Variants in IL1RAPL2 observed in about 807,000 individuals in gnomAD.
IL1RAPL2 encodes interleukin 1 receptor accessory protein like 2, also known as X-linked interleukin-1 receptor accessory protein-like 2.
Under a neutral mutation model 44.1 loss-of-function variants are expected in IL1RAPL2, and 3 were observed. The ratio of observed to expected loss-of-function variants is 0.07; its 90% confidence interval spans 0.03 to 0.18. The LOEUF is 0.18. Ranked by LOEUF, IL1RAPL2 falls within the 10% of genes least tolerant of loss-of-function variation. The pLI, the probability that IL1RAPL2 is intolerant of heterozygous loss-of-function variation, is 1.00. For missense variants in IL1RAPL2, 391 were observed against 496.4 expected (o/e 0.79, Z 2.02); for synonymous variants, 181 against 178.8 (o/e 1.01, Z -0.10).
At chrX:104,756,319 T>C (rs1295879326) in intron 2 of IL1RAPL2, among the ~76,000 whole-genome samples, 2 of 111,434 alleles carry the variant, frequency 1.8e-5, no homozygotes, top group African/African-American at 6.5e-5. Context: ...TTGTTCCTTG[T>C]TCAAGATAAC....
At chrX:105,121,393 A>G (rs1469016150) in intron 2 of IL1RAPL2, among the ~76,000 whole-genome samples, 1 of 111,349 alleles carries the variant, frequency 9.0e-6, no homozygotes, top group Non-Finnish European at 1.9e-5. Flanking sequence ...GGCCTTTTCC[A>G]TCTGCTCTGT....
chrX:105,449,443 GCA>G (rs2036001523), intron 5 of IL1RAPL2, among the ~76,000 whole-genome samples: 1 of 111,091 alleles, frequency 9.0e-6, no homozygotes, highest in African/African-American at 3.3e-5. Flanking sequence ...AATTAGCCGG[GCA>G]TGGTGGCGGG....
intron 6 of IL1RAPL2, among the ~76,000 whole-genome samples, chrX:105,515,518 A>G (rs761906763): frequency 8.1e-5 from 9 of 111,135 alleles, no homozygotes; most frequent in Admixed American, 6.7e-4. Context: ...ACCTTAAAAA[A>G]AAAATTTACC....
chrX:104,581,396 A>C (rs1237659725), intron 1 of IL1RAPL2, among the ~76,000 whole-genome samples: 2 of 112,016 alleles, frequency 1.8e-5, no homozygotes, highest in Non-Finnish European at 3.8e-5. Context: ...ATTAAATCTC[A>C]ATCTGTATTC....
chrX:104,782,455 C>T (rs947080264), intron 2 of IL1RAPL2, among the ~76,000 whole-genome samples: 20 of 111,575 alleles, frequency 1.8e-4, no homozygotes, highest in Non-Finnish European at 2.3e-4. Context: ...AATATTCATG[C>T]TAATATTCAC....
intron 2 of IL1RAPL2, among the ~76,000 whole-genome samples, chrX:104,669,482 G>A (rs1000843641): frequency 3.6e-5 from 4 of 110,580 alleles, no homozygotes; most frequent in East Asian, 2.9e-4. Flanking sequence ...CACTCCATAC[G>A]TTTCCAAAGT....
At chrX:104,940,065 C>A (rs1260433705) in intron 2 of IL1RAPL2, among the ~76,000 whole-genome samples, 1 of 111,136 alleles carries the variant, frequency 9.0e-6, no homozygotes, top group African/African-American at 3.3e-5. Flanking sequence ...CATTGAATTG[C>A]ATGTTTAAAA....
intron 6 of IL1RAPL2, among the ~76,000 whole-genome samples, chrX:105,711,411 A>G (rs2038209783): frequency 9.0e-6 from 1 of 110,574 alleles, no homozygotes; most frequent in African/African-American, 3.3e-5. Flanking sequence ...TCTCTCAATA[A>G]TGGCACTAAT....
intron 5 of IL1RAPL2, among the ~76,000 whole-genome samples, chrX:105,413,355 C>T (rs924585183): frequency 1.8e-5 from 2 of 110,805 alleles, no homozygotes; most frequent in African/African-American, 6.6e-5. Flanking sequence ...GGTGATTATC[C>T]TATACTATCC....
At chrX:104,830,051 G>T (rs1921565794) in intron 2 of IL1RAPL2, among the ~76,000 whole-genome samples, 1 of 111,647 alleles carries the variant, frequency 9.0e-6, no homozygotes, top group Non-Finnish European at 1.9e-5. Flanking sequence ...TTTACTACAT[G>T]AAGCAAACTA....
chrX:105,533,073 C>T (rs181687354), intron 6 of IL1RAPL2, among the ~76,000 whole-genome samples: 5 of 110,482 alleles, frequency 4.5e-5, no homozygotes, highest in Admixed American at 2.9e-4. Flanking sequence ...GCCTGTAGTC[C>T]CAGCTACTTG....
At chrX:105,120,939 A>G (rs190512742) in intron 2 of IL1RAPL2, among the ~76,000 whole-genome samples, 17 of 110,194 alleles carry the variant, frequency 1.5e-4, no homozygotes, top group African/African-American at 5.6e-4. Flanking sequence ...TCTGCTGTGC[A>G]TTTTACCATT....
At chrX:104,800,557 A>G (rs1932878680) in intron 2 of IL1RAPL2, among the ~76,000 whole-genome samples, 1 of 112,457 alleles carries the variant, frequency 8.9e-6, no homozygotes, top group African/African-American at 3.2e-5. Context: ...TAATCTATGT[A>G]GATGCTGATT....
chrX:105,020,265 G>A (rs769433235), intron 2 of IL1RAPL2, among the ~76,000 whole-genome samples: 4 of 111,493 alleles, frequency 3.6e-5, no homozygotes, highest in Non-Finnish European at 7.6e-5. Flanking sequence ...GATTATAGGC[G>A]TGTATCACTG....
chrX:104,810,702 T>C (rs905702089), intron 2 of IL1RAPL2, among the ~76,000 whole-genome samples: 2 of 111,930 alleles, frequency 1.8e-5, no homozygotes, highest in Non-Finnish European at 3.8e-5. Flanking sequence ...TCCTAACTGA[T>C]ACAGCCTACA....
intron 5 of IL1RAPL2, among the ~76,000 whole-genome samples, chrX:105,326,730 C>CTATA (rs746473800): frequency 9.9e-5 from 11 of 111,340 alleles, no homozygotes; most frequent in Non-Finnish European, 2.1e-4. Flanking sequence ...TTCCATTGAT[C>CTATA]TATACGTCTA....
chrX:104,612,798 C>T lies in IL1RAPL2; in HGVS notation c.-20+45747C>T, dbSNP rs1327348613. ...GGCTATTTTAATGATATTGATTCTT[C>T]CAATCAATGAGCATGGAATGGTTTT... On this transcript the variant is annotated intron_variant, in intron 1 of 10. Coordinates refer to ENST00000372582, the MANE Select transcript of IL1RAPL2 (RefSeq NM_017416.2). Among the ~76,000 whole-genome samples the T allele has an allele frequency of 1.9e-4, 21 of 111,193 alleles. No individual in the cohort carries two copies. The Admixed American group carries it at 2.0e-3, about 11-fold the overall frequency.
At chrX:105,427,084 ACAG>A (rs1199672783) in intron 5 of IL1RAPL2, among the ~76,000 whole-genome samples, 1 of 112,634 alleles carries the variant, frequency 8.9e-6, no homozygotes, top group African/African-American at 3.2e-5. Context: ...TTTGTCACAA[ACAG>A]CAGATTTCCT....
intron 2 of IL1RAPL2, among the ~76,000 whole-genome samples, chrX:104,745,997 C>G (rs1932169035): frequency 9.0e-6 from 1 of 111,427 alleles, no homozygotes; most frequent in Non-Finnish European, 1.9e-5. Context: ...CATGCTGATT[C>G]ATTGCGTAAA....
Sources: allele counts gnomAD v4.1 joint callset (sites outside exome capture counted in the v4.1 genomes callset), GRCh38; gene constraint gnomAD v4.1.1; transcripts MANE v1.5; gene names NCBI Gene and HGNC (gene_info 2026-07-23, HGNC 2026-07-21).